SLC2A7: variants seen among roughly 807,000 people sequenced by gnomAD.
The protein encoded by SLC2A7 is solute carrier family 2, facilitated glucose transporter member 7.
Under a neutral mutation model 50.5 loss-of-function variants are expected in SLC2A7, and 50 were observed. The observed-to-expected ratio is 0.99, with a 90% confidence interval of 0.79 to 1.25. The LOEUF is 1.25. SLC2A7 is among the 50% of genes most tolerant of loss of function. The pLI, the probability that SLC2A7 is intolerant of heterozygous loss-of-function variation, is 0.00. For synonymous variants in SLC2A7, 308 were observed against 300.4 expected (o/e 1.03, Z -0.26); for missense variants, 683 against 679.1 (o/e 1.01, Z -0.06).
At chr1:9,016,778 C>T (rs556992478) in intron 5 of SLC2A7, among the ~76,000 whole-genome samples, 22 of 152,158 alleles carry the variant, frequency 1.4e-4, no homozygotes, top group African/African-American at 4.6e-4. Flanking sequence ...TATTGCTGGC[C>T]GCATTCATTC....
intron 4 of SLC2A7, among the ~76,000 whole-genome samples, chr1:9,018,774 T>C (rs1322182546): frequency 6.6e-6 from 1 of 152,250 alleles, no homozygotes; most frequent in East Asian, 1.9e-4. Context: ...AAGAAACTAC[T>C]GAGTTTAAAT....
the SLC2A7 span, among the ~76,000 whole-genome samples, chr1:8,995,086 T>A: frequency 6.8e-6 from 1 of 147,944 alleles, no homozygotes; most frequent in African/African-American, 2.5e-5. Flanking sequence ...TCCTGATTAT[T>A]TTCAAGGTCA....
At chr1:9,018,459 G>C in intron 4 of SLC2A7, 84 bp from the exon 5 acceptor site, 1 of 1,547,734 alleles carries the variant, frequency 6.5e-7, no homozygotes, top group Non-Finnish European at 8.8e-7. Flanking sequence ...TCCTAATCCC[G>C]GGGCTTCTCC....
chr1:9,023,275 T>C (rs535638116), intron 2 of SLC2A7, among the ~76,000 whole-genome samples, 197 bp from the exon 3 acceptor site: 1 of 152,306 alleles, frequency 6.6e-6, no homozygotes, highest in South Asian at 2.1e-4. Context: ...AATGAGAAAC[T>C]AGGCTGAACA....
chr1:9,024,465 T>C (rs1196759717), intron 2 of SLC2A7, among the ~76,000 whole-genome samples: 2 of 152,180 alleles, frequency 1.3e-5, no homozygotes, highest in African/African-American at 4.8e-5. Context: ...CTGTAGTCAG[T>C]TCTCAGTCCT....
intron 10 of SLC2A7, among the ~76,000 whole-genome samples, chr1:9,005,275 G>C (rs190103893): frequency 1.3e-5 from 2 of 152,186 alleles, no homozygotes; most frequent in African/African-American, 4.8e-5. Context: ...GAGACCGCCC[G>C]CGCTTGGGAA....
At chr1:9,021,819 G>C (rs1032394920) in intron 3 of SLC2A7, among the ~76,000 whole-genome samples, 4 of 152,160 alleles carry the variant, frequency 2.6e-5, no homozygotes, top group Non-Finnish European at 4.4e-5. Flanking sequence ...ACTGGGCAAG[G>C]CTGGCACCAC....
chr1:9,016,132 T>C (rs1283015795), intron 5 of SLC2A7, among the ~76,000 whole-genome samples: 3 of 152,192 alleles, frequency 2.0e-5, no homozygotes, highest in African/African-American at 7.2e-5. Flanking sequence ...GTCTCTCTAA[T>C]TGACGATTTA....
chr1:8,999,605 A>ATT (rs1640548760), downstream of SLC2A7, among the ~76,000 whole-genome samples: 1 of 152,056 alleles, frequency 6.6e-6, no homozygotes, highest in Admixed American at 6.6e-5. Context: ...TTCTTCACTG[A>ATT]TTTGCTCTCA....
In SLC2A7 at chr1:9,019,193, C is replaced by G. The variant is rs369865385; in HGVS notation, c.436+16G>C. 6.2e-7 allele frequency: 1 copy of G among 1,612,112 alleles called. No homozygotes were observed. The highest frequency in any genetic ancestry group is 1.3e-5 in the African/African-American group (1 of 74,862). ...CCCTTCCCCCAAGGCTGAGCCGGAGCCTGGGCCCCAGGTACCTGCACAGAC... is the reference window on the plus strand; with the variant it reads ...CCCTTCCCCCAAGGCTGAGCCGGAGGCTGGGCCCCAGGTACCTGCACAGAC... On this transcript the variant is annotated intron_variant, in intron 4 of 11. Coordinates refer to ENST00000400906, the MANE Select transcript of SLC2A7 (RefSeq NM_207420.3).
chr1:9,025,191 C>G, intron 1 of SLC2A7, 117 bp from the exon 2 acceptor site: 1 of 1,044,902 alleles, frequency 9.6e-7, no homozygotes, highest in Non-Finnish European at 1.4e-6. Context: ...GGATCCCAGG[C>G]CGTGCCCCCG....
chr1:9,014,773 C>A lies in SLC2A7; in HGVS notation c.811G>T (p.Val271Leu). 1 of 1,597,964 alleles carries A rather than the reference C, an allele frequency of 6.3e-7. No homozygotes were observed. The highest frequency in any genetic ancestry group is 8.5e-7 in the Non-Finnish European group (1 of 1,173,084). Residue 271 changes from valine (V) to leucine (L), a missense_variant, in exon 7 of 12, where the codon GTG becomes TTG. Transcript: ENST00000400906. ...GACCGCAGGGCACAGAGGTGCAGCACAGACAGGTGGCCCTCGGCGCGCTCG... is the reference window on the plus strand; with the variant it reads ...GACCGCAGGGCACAGAGGTGCAGCAAAGACAGGTGGCCCTCGGCGCGCTCG... ...RAERAEGHLS[V>L]LHLCALRSLR...
At chr1:9,018,614 G>C (rs545214352) in intron 4 of SLC2A7, among the ~76,000 whole-genome samples, 1 of 152,218 alleles carries the variant, frequency 6.6e-6, no homozygotes, top group Non-Finnish European at 1.5e-5. Flanking sequence ...TCTAGCCACC[G>C]GGCTGGGCCG....
At chr1:9,007,240 G>T in intron 10 of SLC2A7, 70 bp downstream of exon 10, 3 of 1,543,474 alleles carry the variant, frequency 1.9e-6, no homozygotes, top group Non-Finnish European at 2.7e-6. Flanking sequence ...TATGTGTCGA[G>T]CACTGACTGT....
At chr1:9,000,166 T>C (rs1640555277), downstream of SLC2A7, among the ~76,000 whole-genome samples, 1 of 152,116 alleles carries the variant, frequency 6.6e-6, no homozygotes, top group African/African-American at 2.4e-5. Context: ...CACTCCTCTA[T>C]TCAAAAGGGG....
intron 2 of SLC2A7, among the ~76,000 whole-genome samples, chr1:9,023,830 T>G (rs1291518837): frequency 2.4e-5 from 1 of 41,426 alleles, no homozygotes; most frequent in Non-Finnish European, 4.3e-5. Context: ...ATAGGAAATA[T>G]TCTTCTTCTT....
At position 9,020,086 on chromosome 1, in the gene SLC2A7, T is replaced by C. The variant is rs188259319; in HGVS notation, c.312-753A>G. On this transcript the variant is annotated intron_variant, in intron 3 of 11. Coordinates refer to ENST00000400906, the MANE Select transcript of SLC2A7 (RefSeq NM_207420.3). ...AAATGTCTGTTGTTTAAGTCTGTGG[T>C]TGTAGCAGCCTGAACTGATTAAGAC... Among the ~76,000 whole-genome samples, 25 of 152,282 alleles carry C rather than the reference T, an allele frequency of 1.6e-4. No individual in the cohort carries two copies. The East Asian group carries it at 4.6e-3, about 28-fold the overall frequency.
downstream of SLC2A7, among the ~76,000 whole-genome samples, chr1:8,998,045 T>C (rs1170871505): frequency 1.3e-5 from 2 of 152,180 alleles, no homozygotes; most frequent in Non-Finnish European, 2.9e-5. Flanking sequence ...GCATGTGACA[T>C]AACTGCTCCA....
the SLC2A7 span, among the ~76,000 whole-genome samples, chr1:8,997,203 G>T: frequency 6.6e-6 from 1 of 152,074 alleles, no homozygotes; most frequent in African/African-American, 2.4e-5. Context: ...TGACTCGAGA[G>T]GCTGAGACGG....
Sources: allele counts gnomAD v4.1 joint callset (sites outside exome capture counted in the v4.1 genomes callset), GRCh38; gene constraint gnomAD v4.1.1; transcripts MANE v1.5; gene names NCBI Gene and HGNC (gene_info 2026-07-23, HGNC 2026-07-21).